CLSTN2: variants seen among roughly 807,000 people sequenced by gnomAD.
The protein encoded by CLSTN2 is calsyntenin-2.
In CLSTN2, 48 loss-of-function variants were observed where a neutral mutation model predicts 101.2. That is an observed-to-expected ratio of 0.47 (90% CI 0.38 to 0.60). CLSTN2 has a LOEUF of 0.60. Among genes scored for constraint, CLSTN2 ranks in the 20% least tolerant of loss-of-function variants. The pLI is 0.00. For missense variants in CLSTN2, 1,160 were observed against 1,238.2 expected, an observed-to-expected ratio of 0.94 and a Z score of 0.95; for synonymous variants, 481 against 463.6, an observed-to-expected ratio of 1.04 and a Z score of -0.48.
At chr3:139,994,399 C>T (rs1388855559) in intron 1 of CLSTN2, among the ~76,000 whole-genome samples, 1 of 152,180 alleles carries the variant, frequency 6.6e-6, no homozygotes, top group Non-Finnish European at 1.5e-5. Context: ...AGTCATCATA[C>T]CCACTTAACT....
chr3:140,152,384 G>T (rs1012499054), intron 1 of CLSTN2, among the ~76,000 whole-genome samples: 2 of 151,990 alleles, frequency 1.3e-5, no homozygotes, highest in African/African-American at 4.8e-5. Context: ...ATTTTTGAAG[G>T]GTGGTCCCTC....
intron 2 of CLSTN2, among the ~76,000 whole-genome samples, chr3:140,344,212 G>A (rs2087519182): frequency 6.6e-6 from 1 of 152,112 alleles, no homozygotes; most frequent in Non-Finnish European, 1.5e-5. Flanking sequence ...TTTAGGCTGA[G>A]CTCAGTGGAG....
Position 140,421,177 on chromosome 3 carries a change from G to C in CLSTN2, c.690G>C (p.Glu230Asp), listed in dbSNP as rs1459767403. ...GCTATGACAAACAACACCAGTATGA[G>C]ATCCTGGTGACCGCCTACGACTGTG... ...KLSYDKQHQYEILVTAYDCGQ... is the reference protein window; with the variant it reads ...KLSYDKQHQYDILVTAYDCGQ... Residue 230 changes from glutamate (E) to aspartate (D), a missense_variant, in exon 5 of 17, where the codon GAG becomes GAC. Glu to Asp is a conservative substitution (Grantham distance 45). Coordinates refer to ENST00000458420, the MANE Select transcript of CLSTN2 (RefSeq NM_022131.3). The C allele has an allele frequency of 1.4e-5, 22 of 1,613,914 alleles. No individual in the cohort carries two copies. Among genetic ancestry groups the C allele is most frequent in the Non-Finnish European group, 1.8e-5 (21 of 1,179,894 alleles).
rs1162838808 is a variant in CLSTN2, at chr3:140,573,521, C to T, written c.*7268C>T. The T allele has an allele frequency of 6.6e-6, 1 of 152,176 alleles. No individual in the cohort carries two copies. Among genetic ancestry groups the T allele is most frequent in the Non-Finnish European group, 1.5e-5 (1 of 68,036 alleles). The allele number at this position is 152,176 out of a possible 1,614,324, so 9.4% of individuals were successfully genotyped here. On this transcript the variant is annotated 3_prime_UTR_variant, in exon 17 of 17. Coordinates refer to ENST00000458420, the MANE Select transcript of CLSTN2 (RefSeq NM_022131.3). Reference sequence around the variant, plus strand: ...AGGCCCAGCAACTATTGATTTATAGCTTAAACTCTGTGAAGGTCCACAGAC... The same window carrying T: ...AGGCCCAGCAACTATTGATTTATAGTTTAAACTCTGTGAAGGTCCACAGAC...
chr3:140,491,033 G>T (rs1391479705), intron 8 of CLSTN2, among the ~76,000 whole-genome samples: 2 of 152,228 alleles, frequency 1.3e-5, no homozygotes, highest in African/African-American at 4.8e-5. Flanking sequence ...ACCCCCGTAA[G>T]TCATACGTCC....
intron 1 of CLSTN2, among the ~76,000 whole-genome samples, chr3:139,989,249 C>G (rs1936078779): frequency 6.6e-6 from 1 of 152,190 alleles, no homozygotes; most frequent in African/African-American, 2.4e-5. Flanking sequence ...GGACACTTTG[C>G]AGCCACCTAG....
intron 1 of CLSTN2, among the ~76,000 whole-genome samples, chr3:140,014,259 C>T (rs2007151168): frequency 6.6e-6 from 1 of 152,098 alleles, no homozygotes; most frequent in African/African-American, 2.4e-5. Flanking sequence ...GAGCCTCACT[C>T]TGTCACCCAG....
At chr3:139,980,340 C>T (rs746902252) in intron 1 of CLSTN2, among the ~76,000 whole-genome samples, 2 of 152,060 alleles carry the variant, frequency 1.3e-5, no homozygotes, top group African/African-American at 4.8e-5. Flanking sequence ...TTGCACTTGC[C>T]GTTCCCTGAT....
intron 1 of CLSTN2, among the ~76,000 whole-genome samples, chr3:139,983,835 A>G (rs547101065): frequency 6.6e-6 from 1 of 152,286 alleles, no homozygotes; most frequent in South Asian, 2.1e-4. Flanking sequence ...TACCCAATCA[A>G]TAGTATATTA....
chr3:140,050,977 C>T (rs2007979127), intron 1 of CLSTN2, among the ~76,000 whole-genome samples: 1 of 152,178 alleles, frequency 6.6e-6, no homozygotes, highest in South Asian at 2.1e-4. Context: ...AGAAACACAG[C>T]TTTTGAACAA....
chr3:140,064,927 T>G (rs1215652635), intron 1 of CLSTN2, among the ~76,000 whole-genome samples: 1 of 152,166 alleles, frequency 6.6e-6, no homozygotes, highest in Non-Finnish European at 1.5e-5. Context: ...ATGGAATAGA[T>G]TAAGTCAAAT....
chr3:140,268,327 G>C (rs910690133), intron 2 of CLSTN2, among the ~76,000 whole-genome samples: 2 of 152,158 alleles, frequency 1.3e-5, no homozygotes, highest in Non-Finnish European at 2.9e-5. Context: ...CCAATCATTC[G>C]TCCAGCAGTA....
At chr3:140,270,345 G>T (rs1489006510) in intron 2 of CLSTN2, among the ~76,000 whole-genome samples, 1 of 152,192 alleles carries the variant, frequency 6.6e-6, no homozygotes, top group East Asian at 1.9e-4. Flanking sequence ...ACCACACTCT[G>T]CCATGTGTTC....
intron 2 of CLSTN2, among the ~76,000 whole-genome samples, chr3:140,295,704 C>T (rs1026230260): frequency 6.6e-6 from 1 of 151,964 alleles, no homozygotes. Context: ...AGTATAAATG[C>T]TCAGAAATAA....
At chr3:140,376,540 C>A (rs1005812797) in intron 2 of CLSTN2, among the ~76,000 whole-genome samples, 3 of 152,174 alleles carry the variant, frequency 2.0e-5, no homozygotes, top group Admixed American at 2.0e-4. Flanking sequence ...AGACAAATGG[C>A]CAGAATTCTA....
intron 1 of CLSTN2, among the ~76,000 whole-genome samples, chr3:140,164,878 G>T (rs1342848436): frequency 6.6e-6 from 1 of 152,134 alleles, no homozygotes; most frequent in Non-Finnish European, 1.5e-5. Context: ...AAGGAAAGAA[G>T]AAAATAGGTA....
chr3:140,450,621 G>A (rs1034672862), intron 6 of CLSTN2, among the ~76,000 whole-genome samples: 2 of 152,116 alleles, frequency 1.3e-5, no homozygotes, highest in Non-Finnish European at 2.9e-5. Context: ...AAAGGAGGCT[G>A]TGAATGCACA....
Position 140,363,593 on chromosome 3 carries a change from G to A in CLSTN2, c.233-40036G>A, listed in dbSNP as rs186464462. On this transcript the variant is annotated intron_variant, in intron 2 of 16. Transcript: ENST00000458420. Reference sequence around the variant, plus strand: ...CAGCTGACAGTGGAAATGCTGGGCAGTCAGAGGGACCCGGTAGGCACTTAG... The same window carrying A: ...CAGCTGACAGTGGAAATGCTGGGCAATCAGAGGGACCCGGTAGGCACTTAG... Among the ~76,000 whole-genome samples, 36 of 125,566 alleles carry A rather than the reference G, an allele frequency of 2.9e-4. 1 individual carries two copies. Among genetic ancestry groups the A allele is most frequent in the African/African-American group, 8.5e-4 (33 of 38,954 alleles). 82.4% of individuals were successfully genotyped at this position (125,566 alleles called of 152,430 possible).
At chr3:139,973,398 T>G (rs1935750988) in intron 1 of CLSTN2, among the ~76,000 whole-genome samples, 2 of 152,130 alleles carry the variant, frequency 1.3e-5, no homozygotes, top group South Asian at 4.1e-4. Context: ...CAGCTAAAAA[T>G]TGGAGGGCTC....
Sources: gnomAD v4.1 joint callset for allele counts (sites outside exome capture counted in the v4.1 genomes callset) on GRCh38, gnomAD v4.1.1 for gene constraint, MANE v1.5 for transcripts, NCBI Gene and HGNC (gene_info 2026-07-23, HGNC 2026-07-21) for gene names.